The following PDE4D variants were observed in gnomAD, a reference collection of about 807,000 sequenced individuals.
The protein encoded by PDE4D is phosphodiesterase 4D, also known as 3',5'-cyclic-AMP phosphodiesterase 4D.
In PDE4D, 24 loss-of-function variants were observed where a neutral mutation model predicts 87.4. That is an observed-to-expected ratio of 0.27 (90% CI 0.20 to 0.39). The LOEUF (loss-of-function observed/expected upper bound fraction) is 0.39. Among genes scored for constraint, PDE4D ranks in the 10% least tolerant of loss-of-function variants. The pLI, the probability that PDE4D is intolerant of heterozygous loss-of-function variation, is 1.00. For synonymous variants in PDE4D, 384 were observed against 383.2 expected (o/e 1.00, Z -0.02); for missense variants, 714 against 1,041.0 (o/e 0.69, Z 4.32).
At chr5:59,299,649 T>A (rs1263308896) in intron 1 of PDE4D, among the ~76,000 whole-genome samples, 1 of 152,172 alleles carries the variant, frequency 6.6e-6, no homozygotes, top group Non-Finnish European at 1.5e-5. Flanking sequence ...TTTTGGTAAA[T>A]ATGGAAACAA....
intron 1 of PDE4D, among the ~76,000 whole-genome samples, chr5:59,220,377 CAAAAAAAAAAA>C (rs57610513): frequency 7.2e-4 from 26 of 36,156 alleles, no homozygotes; most frequent in East Asian, 3.7e-3. Flanking sequence ...GACTCTGTCT[CAAAAAAAAAAA>C]AAAAAAAAAA....
chr5:60,213,391 C>T (rs1244595224), intron 1 of PDE4D, among the ~76,000 whole-genome samples: 2 of 152,162 alleles, frequency 1.3e-5, no homozygotes, highest in African/African-American at 4.8e-5. Context: ...ATGTTGGTGG[C>T]AGCCTCCTGT....
chr5:60,442,899 G>A, intron 1 of PDE4D, among the ~76,000 whole-genome samples: 1 of 152,108 alleles, frequency 6.6e-6, no homozygotes, highest in East Asian at 1.9e-4. Flanking sequence ...GGGGCAGATG[G>A]TAGAGCTTTC....
chr5:60,052,018 A>G (rs937411620), intron 2 of PDE4D, among the ~76,000 whole-genome samples: 12 of 152,190 alleles, frequency 7.9e-5, no homozygotes, highest in African/African-American at 2.4e-4. Flanking sequence ...AAATAGACCA[A>G]TACAAAGTTC....
intron 2 of PDE4D, among the ~76,000 whole-genome samples, chr5:60,152,938 T>C (rs931004245): frequency 1.3e-5 from 2 of 152,194 alleles, no homozygotes; most frequent in Non-Finnish European, 2.9e-5. Context: ...ATTTTATTTA[T>C]TTGAGTTTTC....
chr5:59,890,653 C>T (rs1221766213), intron 1 of PDE4D, among the ~76,000 whole-genome samples: 1 of 152,200 alleles, frequency 6.6e-6, no homozygotes, highest in Non-Finnish European at 1.5e-5. Context: ...GTTCTGCACA[C>T]ATTTATTTAA....
At chr5:59,263,258 G>A (rs1164985068) in intron 1 of PDE4D, among the ~76,000 whole-genome samples, 1 of 151,952 alleles carries the variant, frequency 6.6e-6, no homozygotes, top group Non-Finnish European at 1.5e-5. Context: ...TGGGAACAGG[G>A]GTTCATTGCT....
intron 1 of PDE4D, among the ~76,000 whole-genome samples, chr5:60,206,952 C>T (rs969245280): frequency 3.9e-5 from 6 of 152,100 alleles, no homozygotes; most frequent in Non-Finnish European, 8.8e-5. Context: ...GTGTGGTACA[C>T]CTGATAAGTT....
At chr5:59,596,032 A>T (rs1826631945) in intron 1 of PDE4D, among the ~76,000 whole-genome samples, 1 of 151,226 alleles carries the variant, frequency 6.6e-6, no homozygotes, top group Non-Finnish European at 1.5e-5. Flanking sequence ...ATATTTTTGC[A>T]GTGTTTTCAG....
intron 1 of PDE4D, among the ~76,000 whole-genome samples, chr5:59,884,277 T>G (rs1749856623): frequency 6.6e-6 from 1 of 151,548 alleles, no homozygotes; most frequent in Non-Finnish European, 1.5e-5. Context: ...TATATAGATA[T>G]AAATACACAC....
intron 5 of PDE4D, among the ~76,000 whole-genome samples, chr5:59,077,014 G>C (rs554069403): frequency 1.4e-4 from 22 of 152,206 alleles, no homozygotes; most frequent in African/African-American, 5.3e-4. Flanking sequence ...TTGCAGTGTG[G>C]TGTTAATAGC....
intron 2 of PDE4D, among the ~76,000 whole-genome samples, chr5:60,055,947 G>A (rs969676044): frequency 2.6e-5 from 4 of 152,088 alleles, no homozygotes; most frequent in South Asian, 2.1e-4. Context: ...AAGCAAGGAA[G>A]GGAAGAAAGG....
At chr5:60,429,743 C>T (rs79756803) in intron 1 of PDE4D, among the ~76,000 whole-genome samples, 6,809 of 151,722 alleles carry the variant, frequency 0.045, 475 homozygotes, top group African/African-American at 0.16. Context: ...GTTTTTATTC[C>T]GTTCATGTGG....
At chr5:59,748,227 G>T (rs1045683075) in intron 1 of PDE4D, among the ~76,000 whole-genome samples, 2 of 152,158 alleles carry the variant, frequency 1.3e-5, no homozygotes, top group African/African-American at 4.8e-5. Context: ...AGTCGTTGTG[G>T]CTTCTACTTT....
intron 1 of PDE4D, among the ~76,000 whole-genome samples, chr5:60,339,870 A>T (rs1275373636): frequency 6.6e-6 from 1 of 152,168 alleles, no homozygotes; most frequent in Non-Finnish European, 1.5e-5. Flanking sequence ...TTCTGCATGG[A>T]TGTGTTCCGA....
intron 2 of PDE4D, among the ~76,000 whole-genome samples, chr5:59,199,132 A>G (rs1561684384): frequency 6.6e-6 from 1 of 152,222 alleles, no homozygotes; most frequent in Non-Finnish European, 1.5e-5. Flanking sequence ...TATTTAAAGC[A>G]TTAGTGGCCA....
intron 2 of PDE4D, among the ~76,000 whole-genome samples, chr5:60,035,463 C>A (rs1022999309): frequency 6.6e-6 from 1 of 152,140 alleles, no homozygotes; most frequent in Non-Finnish European, 1.5e-5. Context: ...CCCATGTTCA[C>A]ATGGCGAGTC....
rs767287011 is a variant in PDE4D at position 59,243,448 on chromosome 5, CTTTTTTTTTTTTTTT to C, written c.456-27495_456-27481del. Among the ~76,000 whole-genome samples, 667 of 72,316 alleles carry C rather than the reference CTTTTTTTTTTTTTTT, an allele frequency of 9.2e-3. 13 individuals are homozygous for C. The highest frequency in any genetic ancestry group is 0.028 in the Middle Eastern group (3 of 108). The allele number at this position is 72,316 out of a possible 152,430, so 47.4% of individuals were successfully genotyped here. A position where few individuals can be genotyped will look rare whatever the true frequency, so the allele number is the denominator to read the frequency against. On this transcript the variant is annotated intron_variant, in intron 1 of 14. Transcript: ENST00000340635. ...TCACTATACAATTTCTTAAAATAAC[CTTTTTTTTTTTTTTT>C]TTTTTTTTTTTTTGAGACGGAGTTT...
chr5:59,614,296 G>A (rs754537908), intron 1 of PDE4D, among the ~76,000 whole-genome samples: 3 of 152,112 alleles, frequency 2.0e-5, no homozygotes, highest in Non-Finnish European at 4.4e-5. Context: ...ATTGGAGTAA[G>A]CATCTTATTT....
Sources: gnomAD v4.1 joint callset for allele counts (sites outside exome capture counted in the v4.1 genomes callset) on GRCh38, gnomAD v4.1.1 for gene constraint, MANE v1.5 for transcripts, NCBI Gene and HGNC (gene_info 2026-07-23, HGNC 2026-07-21) for gene names.